RPL5: variants seen among roughly 807,000 people sequenced by gnomAD.
RPL5 encodes large ribosomal subunit protein uL18.
A neutral mutation model predicts 38.4 loss-of-function variants in RPL5; 1 was observed. The ratio of observed to expected loss-of-function variants is 0.03; its 90% CI spans 0.01 to 0.12. The LOEUF is 0.12. Ranked by LOEUF, RPL5 falls within the 10% of genes least tolerant of loss-of-function variation. RPL5 has a pLI of 1.00. For missense variants in RPL5, 243 were observed against 374.1 expected (o/e 0.65, Z 2.89); for synonymous variants, 109 against 121.2 (o/e 0.90, Z 0.66).
Position 92,837,493 on chromosome 1 carries a change from G to C in RPL5, c.565G>C (p.Glu189Gln). 1 of 1,613,114 alleles carries C rather than the reference G, an allele frequency of 6.2e-7. No individual in the cohort carries two copies. The highest frequency in any genetic ancestry group is 8.5e-7 in the Non-Finnish European group (1 of 1,179,980). The part of the protein sequence containing the change: ...RFPGYDSESK[E>Q]FNAEVHRKHI... ...CCCTGGTTATGATTCTGAAAGCAAG[G>C]AATTTAATGCAGAAGTACATCGGAA... is the stretch of plus-strand genomic sequence containing the variant. The change falls in exon 6 of 8, where the codon GAA (glutamate) becomes CAA (glutamine). Residue 189 changes from glutamate to glutamine, a missense_variant. Coordinates refer to ENST00000370321, the MANE Select transcript of RPL5 (RefSeq NM_000969.5).
rs1042088175 is a variant in RPL5, at chr1:92,832,392, CT to C, written c.3+276del. 1.3e-5 allele frequency: 8 copies of C among 598,668 alleles called. No homozygotes were observed. In the Admixed American group the frequency reaches 1.9e-4, roughly 14 times the overall value. The allele number at this position is 598,668 out of a possible 1,614,324, so 37.1% of individuals were successfully genotyped here. On this transcript the variant is annotated intron_variant, in intron 1 of 7. Coordinates refer to ENST00000370321, the MANE Select transcript of RPL5 (RefSeq NM_000969.5). ...TTAGTAGACAGCCTGAGTGCGGATA[CT>C]GCCGTCTAGTGTGAGGGGGCGCTGG...
At chr1:92,838,851 G>A (rs1257468688) in intron 6 of RPL5, among the ~76,000 whole-genome samples, 2 of 152,090 alleles carry the variant, frequency 1.3e-5, no homozygotes, top group African/African-American at 4.8e-5. Context: ...TTTCAAAATG[G>A]GTATAGGTAG....
At chr1:92,838,294 G>A (rs1314766299) in intron 6 of RPL5, among the ~76,000 whole-genome samples, 3 of 152,174 alleles carry the variant, frequency 2.0e-5, no homozygotes, top group Non-Finnish European at 4.4e-5. Flanking sequence ...AGGAAAAGGA[G>A]TAGTTTTTTA....
At chr1:92,832,520 C>A (rs1254176930) in intron 1 of RPL5, among the ~76,000 whole-genome samples, 1 of 152,200 alleles carries the variant, frequency 6.6e-6, no homozygotes. Context: ...ACTCGACCTC[C>A]GAGTACCGAG....
intron 4 of RPL5, chr1:92,835,299 A>G (rs1191283906): frequency 9.2e-6 from 3 of 327,486 alleles, no homozygotes; most frequent in Non-Finnish European, 1.2e-5. Flanking sequence ...ACTCCACTCT[A>G]GACCTTCTGG....
At chr1:92,839,848 T>G (rs1687281333) in intron 6 of RPL5, among the ~76,000 whole-genome samples, 1 of 145,666 alleles carries the variant, frequency 6.9e-6, no homozygotes, top group Non-Finnish European at 1.5e-5. Flanking sequence ...GTTTTCTTAC[T>G]TTTTTTTTTT....
chr1:92,832,207 G>T lies in RPL5; in HGVS notation c.3+90G>T, dbSNP rs958574832. 4 of 1,579,662 alleles carry T rather than the reference G, an allele frequency of 2.5e-6. No homozygotes were observed. In the African/African-American group the frequency reaches 5.4e-5, roughly 21 times the overall value. Reference sequence around the variant, plus strand: ...CAGCCTAGGGCCCGTCTCGCGCGTCGCAGGGGCCGGATGGCGTTAGATTGC... The same window carrying T: ...CAGCCTAGGGCCCGTCTCGCGCGTCTCAGGGGCCGGATGGCGTTAGATTGC... On this transcript the variant is annotated intron_variant, in intron 1 of 7. Transcript: ENST00000370321.
intron 4 of RPL5, among the ~76,000 whole-genome samples, chr1:92,835,778 T>G (rs568180457): frequency 2.8e-4 from 42 of 152,332 alleles, no homozygotes; most frequent in African/African-American, 9.9e-4. Flanking sequence ...TTGCCTTGTT[T>G]TTATTATCTG....
intron 4 of RPL5, chr1:92,835,290 C>T (rs1687073861): frequency 2.9e-6 from 1 of 341,784 alleles, no homozygotes; most frequent in African/African-American, 2.1e-5. Flanking sequence ...CTCGTGGGAA[C>T]TCCACTCTAG....
chr1:92,838,341 A>C (rs1237450884), intron 6 of RPL5, among the ~76,000 whole-genome samples: 1 of 152,310 alleles, frequency 6.6e-6, no homozygotes, highest in Admixed American at 6.5e-5. Context: ...TTACTGCGTT[A>C]TATTTCTTTG....
At chr1:92,834,349 G>A (rs924758697) in intron 3 of RPL5, among the ~76,000 whole-genome samples, 1 of 152,208 alleles carries the variant, frequency 6.6e-6, no homozygotes, top group Non-Finnish European at 1.5e-5. Flanking sequence ...TTTTGCTCTT[G>A]TACTAAGAGC....
chr1:92,837,746 C>T, intron 6 of RPL5, 113 bp downstream of exon 6: 1 of 821,918 alleles, frequency 1.2e-6, no homozygotes, highest in South Asian at 1.5e-5. Context: ...ACAACATGAG[C>T]TAGACTTGTC....
At position 92,840,538 on chromosome 1, in the gene RPL5, T is replaced by A. The variant is rs769758150; in HGVS notation, c.706-13T>A. On this transcript the variant is annotated splice_polypyrimidine_tract_variant and intron_variant, in intron 6 of 7. Transcript: ENST00000370321. ...AAATGAAACCAAGTACTGTTTGCTT[T>A]CCTTTGTTTCAGATGGAGGAGATGT... 129 of 1,604,632 alleles carry A rather than the reference T, an allele frequency of 8.0e-5. No homozygotes were observed. The highest frequency in any genetic ancestry group is 1.1e-4 in the Non-Finnish European group (129 of 1,172,718).
At chr1:92,835,939 C>T (rs1687106402) in intron 4 of RPL5, among the ~76,000 whole-genome samples, 1 of 151,860 alleles carries the variant, frequency 6.6e-6, no homozygotes, top group South Asian at 2.1e-4. Flanking sequence ...CTGCATAAGT[C>T]AAGTGTGGAC....
At position 92,832,088 on chromosome 1, in the gene RPL5, AGCGGACG is replaced by A. The variant is rs1686927602; in HGVS notation, c.-26_-20del. On this transcript the variant is annotated 5_prime_UTR_variant, in exon 1 of 8. Coordinates refer to ENST00000370321, the MANE Select transcript of RPL5 (RefSeq NM_000969.5). The stretch of plus-strand genomic sequence containing the variant: ...CTGGGCCTGCAGGTCTCTGTCGAGC[AGCGGACG>A]CCGGTCTCTGTTCCGCAGGATGGTG... The A allele has an allele frequency of 6.2e-7, 1 of 1,613,862 alleles. No homozygotes were observed. Among genetic ancestry groups the A allele is most frequent in the African/African-American group, 1.3e-5 (1 of 74,936 alleles).
At chr1:92,835,753 G>T (rs1247131593) in intron 4 of RPL5, among the ~76,000 whole-genome samples, 1 of 151,830 alleles carries the variant, frequency 6.6e-6, no homozygotes, top group African/African-American at 2.4e-5. Context: ...TTTCCTGGTA[G>T]ATGAAGATGG....
At chr1:92,837,857 T>C in intron 6 of RPL5, 1 of 546,286 alleles carries the variant, frequency 1.8e-6, no homozygotes, top group Admixed American at 3.1e-5. Flanking sequence ...TATTTGTAGA[T>C]GTCATTTCTG....
At position 92,832,206 on chromosome 1, in the gene RPL5, C is replaced by T. The variant is rs374853816; in HGVS notation, c.3+89C>T. The T allele has an allele frequency of 2.5e-6, 4 of 1,582,020 alleles. No homozygotes were observed. In the African/African-American group the frequency reaches 4.0e-5, roughly 16 times the overall value. ...CCAGCCTAGGGCCCGTCTCGCGCGT[C>T]GCAGGGGCCGGATGGCGTTAGATTG... On this transcript the variant is annotated intron_variant, in intron 1 of 7. Transcript: ENST00000370321.
intron 1 of RPL5, 183 bp downstream of exon 1, chr1:92,832,300 T>C (rs1484019273): frequency 1.6e-5 from 15 of 924,408 alleles, no homozygotes; most frequent in South Asian, 4.2e-5. Context: ...GTGCGCGAAC[T>C]TGGGGGGAGG....
Sources: gnomAD v4.1 joint callset for allele counts (sites outside exome capture counted in the v4.1 genomes callset) on GRCh38, gnomAD v4.1.1 for gene constraint, MANE v1.5 for transcripts, NCBI Gene and HGNC (gene_info 2026-07-23, HGNC 2026-07-21) for gene names.